Variants in GPC6 observed in about 807,000 individuals in gnomAD.
GPC6 encodes glypican-6.
GPC6 carries 14 observed loss-of-function variants against 55.2 expected under a neutral mutation model. That is an observed-to-expected ratio of 0.25 (90% CI 0.17 to 0.40). The LOEUF (loss-of-function observed/expected upper bound fraction) is 0.40. GPC6 is among the 10% of genes least tolerant of loss of function. GPC6 has a pLI of 1.00. For synonymous variants in GPC6, 278 were observed against 259.6 expected (o/e 1.07, Z -0.68); for missense variants, 641 against 708.5 (o/e 0.90, Z 1.08).
intron 2 of GPC6, among the ~76,000 whole-genome samples, chr13:93,558,633 G>A (rs989009286): frequency 6.6e-6 from 1 of 152,144 alleles, no homozygotes; most frequent in Non-Finnish European, 1.5e-5. Context: ...CCTTGAATAT[G>A]TTTCAAAAGT....
chr13:93,324,314 G>A (rs752884842), intron 1 of GPC6, among the ~76,000 whole-genome samples: 1 of 151,822 alleles, frequency 6.6e-6, no homozygotes, highest in Non-Finnish European at 1.5e-5. Context: ...AGTTTGCAGG[G>A]GGGATGGTAA....
chr13:93,885,413 A>C (rs1396086916), intron 3 of GPC6, among the ~76,000 whole-genome samples: 1 of 150,084 alleles, frequency 6.7e-6, no homozygotes, highest in Non-Finnish European at 1.5e-5. Context: ...ACAGAAGAGG[A>C]AGCTGCAGTA....
intron 3 of GPC6, among the ~76,000 whole-genome samples, chr13:93,986,439 C>T (rs910751554): frequency 1.3e-5 from 2 of 151,968 alleles, no homozygotes; most frequent in African/African-American, 4.8e-5. Context: ...GTCAATGCAA[C>T]CCTTAGGGTT....
chr13:93,724,632 C>G (rs1308772817), intron 2 of GPC6, among the ~76,000 whole-genome samples: 1 of 151,958 alleles, frequency 6.6e-6, no homozygotes, highest in Non-Finnish European at 1.5e-5. Context: ...GTGATTAATG[C>G]CCAGATTTAG....
chr13:94,171,892 C>T (rs16949545), intron 4 of GPC6, among the ~76,000 whole-genome samples: 60,858 of 151,964 alleles, frequency 0.4, 13,477 homozygotes, highest in African/African-American at 0.6. Flanking sequence ...TACAAAGTCC[C>T]GTGGCAGAAG....
At chr13:93,400,099 G>A (rs991797986) in intron 1 of GPC6, among the ~76,000 whole-genome samples, 1 of 152,152 alleles carries the variant, frequency 6.6e-6, no homozygotes, top group East Asian at 1.9e-4. Context: ...TCTTAAAGTG[G>A]TTGACGGGGA....
At chr13:93,784,601 T>C (rs1885765528) in intron 2 of GPC6, among the ~76,000 whole-genome samples, 1 of 152,212 alleles carries the variant, frequency 6.6e-6, no homozygotes, top group Admixed American at 6.5e-5. Context: ...AGTTTCCTGT[T>C]ATCTATTTTA....
chr13:93,865,170 A>G (rs1305249863), intron 3 of GPC6, among the ~76,000 whole-genome samples: 1 of 151,616 alleles, frequency 6.6e-6, no homozygotes, highest in Non-Finnish European at 1.5e-5. Context: ...TAGGCAGTAA[A>G]TGTACTGCCC....
rs538875941 is a variant in GPC6 at position 94,312,964 on chromosome 13, G to A, written c.1152+6841G>A. Among the ~76,000 whole-genome samples, 5 of 152,298 alleles carry A rather than the reference G, an allele frequency of 3.3e-5. No individual in the cohort carries two copies. In the South Asian group the frequency reaches 6.2e-4, roughly 19 times the overall value. ...TTCAGGTTGTGAACGACCCGGTCTT[G>A]CCTGAACCTGCTTTATCTATTTGCT... On this transcript the variant is annotated intron_variant, in intron 6 of 8. Transcript: ENST00000377047.
intron 1 of GPC6, among the ~76,000 whole-genome samples, chr13:93,507,101 T>A (rs1441719202): frequency 3.5e-5 from 5 of 141,752 alleles, no homozygotes; most frequent in Admixed American, 7.2e-5. Flanking sequence ...GCCCGGAGTA[T>A]ATTCACACTC....
chr13:93,977,191 T>A (rs1028482236), intron 3 of GPC6, among the ~76,000 whole-genome samples: 2 of 152,130 alleles, frequency 1.3e-5, no homozygotes, highest in Admixed American at 1.3e-4. Context: ...ACCCAAAACT[T>A]GCTCACTGCT....
intron 2 of GPC6, among the ~76,000 whole-genome samples, chr13:93,630,049 G>T (rs1879365800): frequency 6.6e-6 from 1 of 152,132 alleles, no homozygotes; most frequent in African/African-American, 2.4e-5. Context: ...CACAACATTA[G>T]GTTTGGCCAC....
chr13:94,056,429 A>G (rs1256291230), intron 4 of GPC6, among the ~76,000 whole-genome samples: 2 of 152,204 alleles, frequency 1.3e-5, no homozygotes, highest in Non-Finnish European at 2.9e-5. Context: ...TATGCAAGCA[A>G]ATTCAATACA....
intron 1 of GPC6, among the ~76,000 whole-genome samples, chr13:93,429,176 A>G (rs1331725005): frequency 6.6e-6 from 1 of 152,136 alleles, no homozygotes; most frequent in Non-Finnish European, 1.5e-5. Flanking sequence ...AACAAGCCAA[A>G]CACTCTCCTA....
intron 2 of GPC6, among the ~76,000 whole-genome samples, chr13:93,620,741 T>C (rs1878916339): frequency 6.6e-6 from 1 of 152,188 alleles, no homozygotes; most frequent in Non-Finnish European, 1.5e-5. Flanking sequence ...CAAAGCAGAA[T>C]TCCCTTTGAT....
chr13:93,923,026 A>C (rs1267458416), intron 3 of GPC6, among the ~76,000 whole-genome samples: 2 of 152,188 alleles, frequency 1.3e-5, no homozygotes, highest in Admixed American at 6.5e-5. Flanking sequence ...ACATCTTCTT[A>C]TTATGACAGA....
At chr13:94,141,721 G>C (rs990560660) in intron 4 of GPC6, among the ~76,000 whole-genome samples, 2 of 152,250 alleles carry the variant, frequency 1.3e-5, no homozygotes, top group South Asian at 4.1e-4. Flanking sequence ...TCTCAAACAT[G>C]TAAAATGGAG....
chr13:94,240,437 T>TGTGTCTAC (rs1186551902), intron 4 of GPC6, among the ~76,000 whole-genome samples: 1 of 152,090 alleles, frequency 6.6e-6, no homozygotes, highest in African/African-American at 2.4e-5. Flanking sequence ...AGACACTCAA[T>TGTGTCTAC]GGCCTTAAGG....
intron 2 of GPC6, among the ~76,000 whole-genome samples, chr13:93,655,192 T>C (rs1433923307): frequency 6.6e-6 from 1 of 152,102 alleles, no homozygotes; most frequent in Non-Finnish European, 1.5e-5. Context: ...AGAAATCTCA[T>C]GCATCTGTGG....
Sources: gnomAD v4.1 joint callset for allele counts (sites outside exome capture counted in the v4.1 genomes callset) on GRCh38, gnomAD v4.1.1 for gene constraint, MANE v1.5 for transcripts, NCBI Gene and HGNC (gene_info 2026-07-23, HGNC 2026-07-21) for gene names.